Variants in MROH2B observed in about 807,000 individuals in gnomAD.
MROH2B encodes the protein maestro heat like repeat family member 2B, also known as maestro heat-like repeat-containing protein family member 2B.
In MROH2B, 177 loss-of-function variants were observed where a neutral mutation model predicts 208.6. That is an observed-to-expected ratio of 0.85 (90% CI 0.75 to 0.96). The LOEUF is 0.96. Ranked by LOEUF, MROH2B falls within the 40% of genes least tolerant of loss-of-function variation. MROH2B has a pLI of 0.00. For synonymous variants in MROH2B, 728 were observed against 659.0 expected (o/e 1.10, Z -1.60); for missense variants, 2,002 against 1,878.7 (o/e 1.07, Z -1.21).
At chr5:41,057,563 C>CCTTTTTTTTTTTTTTTT (rs1743498160) in intron 7 of MROH2B, among the ~76,000 whole-genome samples, 1 of 73,252 alleles carries the variant, frequency 1.4e-5, no homozygotes, top group African/African-American at 5.1e-5. Context: ...AATATCCCTC[C>CCTTTTTTTTTTTTTTTT]TTTTTTTTTT....
chr5:41,006,611 T>C (rs1183742593), intron 34 of MROH2B, among the ~76,000 whole-genome samples: 2 of 152,020 alleles, frequency 1.3e-5, no homozygotes, highest in Non-Finnish European at 2.9e-5. Context: ...AATGAGTGGA[T>C]AAAGAAAATG....
intron 5 of MROH2B, among the ~76,000 whole-genome samples, chr5:41,062,938 T>C (rs1489217136): frequency 6.6e-6 from 1 of 152,172 alleles, no homozygotes; most frequent in African/African-American, 2.4e-5. Context: ...TCATGGTATG[T>C]GAAGCAGCCA....
intron 2 of MROH2B, among the ~76,000 whole-genome samples, 178 bp from the exon 3 acceptor site, chr5:41,067,396 T>A (rs1743845141): frequency 6.6e-6 from 1 of 152,152 alleles, no homozygotes; most frequent in Admixed American, 6.5e-5. Context: ...GATGGAGTTT[T>A]GCTCTTTTTG....
At chr5:41,066,061 G>T (rs867239834) in intron 3 of MROH2B, among the ~76,000 whole-genome samples, 4 of 152,122 alleles carry the variant, frequency 2.6e-5, no homozygotes, top group Admixed American at 2.0e-4. Context: ...GGTTGATCTG[G>T]TACCATGAAC....
At position 41,018,350 on chromosome 5, in the gene MROH2B, A is replaced by G. The variant is rs10054110; in HGVS notation, c.2754T>C (p.Asn918=). 6.2e-7 allele frequency: 1 copy of G among 1,610,736 alleles called. No homozygotes were observed. The highest frequency in any genetic ancestry group is 1.7e-5 in the Admixed American group (1 of 59,550). The stretch of plus-strand genomic sequence containing the variant: ...CTAGGGGATTACTTACCTCAATATC[A>G]TTTGTCAGCACTTTCGCAGTGATCT... ...AFQITAKVLT[N]DIEAPENFKI... is the part of the protein sequence containing the mutation. Residue 918 remains asparagine, a synonymous_variant, in exon 27 of 42, where the codon AAT becomes AAC. Coordinates refer to ENST00000399564, the MANE Select transcript of MROH2B (RefSeq NM_173489.5).
chr5:41,012,643 C>G lies in MROH2B; in HGVS notation c.3075G>C (p.Lys1025Asn). Reference protein sequence around the residue: ...GLESLNPTCTKACGIWMITVL... With the variant: ...GLESLNPTCTNACGIWMITVL... ...CAGTGATCATCCATATGCCACAGGCCTTTGTACAAGTGGGGTTGAGGCTCT... is the reference window on the plus strand; with the variant it reads ...CAGTGATCATCCATATGCCACAGGCGTTTGTACAAGTGGGGTTGAGGCTCT... The change falls in exon 30 of 42, where the codon AAG (lysine) becomes AAC (asparagine). Residue 1025 changes from lysine to asparagine, a missense_variant. Physicochemically the swap from Lys to Asn is moderately conservative, Grantham distance 94. Coordinates refer to ENST00000399564, the MANE Select transcript of MROH2B (RefSeq NM_173489.5). The G allele has an allele frequency of 6.2e-7, 1 of 1,613,870 alleles. No homozygotes were observed. Among genetic ancestry groups the G allele is most frequent in the Non-Finnish European group, 8.5e-7 (1 of 1,179,802 alleles).
chr5:41,056,661 C>CAG (rs555367509), intron 9 of MROH2B, among the ~76,000 whole-genome samples: 97 of 146,776 alleles, frequency 6.6e-4, no homozygotes, highest in Non-Finnish European at 8.5e-4. Flanking sequence ...GAGTGAAGGA[C>CAG]AGAGAGAGAG....
chr5:41,060,289 C>G (rs1329065854), intron 6 of MROH2B, among the ~76,000 whole-genome samples: 1 of 152,046 alleles, frequency 6.6e-6, no homozygotes, highest in Non-Finnish European at 1.5e-5. Flanking sequence ...CACCCCATAC[C>G]CCTCTATTGT....
At chr5:41,067,010 T>C in intron 3 of MROH2B, 98 bp downstream of exon 3, 3 of 709,164 alleles carry the variant, frequency 4.2e-6, no homozygotes, top group Admixed American at 2.2e-5. Context: ...TACAAGTGAT[T>C]TGTGGTCCTG....
intron 1 of MROH2B, among the ~76,000 whole-genome samples, 155 bp downstream of exon 1, chr5:41,070,670 T>A (rs1415957005): frequency 6.6e-6 from 1 of 152,176 alleles, no homozygotes; most frequent in Non-Finnish European, 1.5e-5. Flanking sequence ...TCAGCATGAT[T>A]TTATTATGTA....
At chr5:41,069,866 T>TCC in intron 1 of MROH2B, 114 bp from the exon 2 acceptor site, 1 of 726,100 alleles carries the variant, frequency 1.4e-6, no homozygotes, top group South Asian at 1.8e-5. Context: ...TCTCTCTCTC[T>TCC]CCCTTGACTG....
rs1168713663 is a variant in MROH2B at position 41,012,583 on chromosome 5, C to G, written c.3135G>C (p.Gln1045His). 1.2e-6 allele frequency: 2 copies of G among 1,606,168 alleles called. No homozygotes were observed. The highest frequency in any genetic ancestry group is 2.2e-5 in the East Asian group (1 of 44,824). The change falls in exon 30 of 42, where the codon CAG becomes CAC. Residue 1045 changes from glutamine to histidine, a missense_variant and splice_region_variant. By Grantham distance (24) the Gln-to-His change is conservative (BLOSUM62 0). Transcript: ENST00000399564. ...TTGTTAAAACTGGCTATCAGTTCAC[C>G]TGATCTTCCAGAGCAGCTCCCTGCT... ...LKQQGAALED[Q>H]LLEILGTIYH...
At chr5:41,065,302 G>T (rs771602037) in intron 4 of MROH2B, 29 bp downstream of exon 4, 2 of 1,582,902 alleles carry the variant, frequency 1.3e-6, no homozygotes, top group East Asian at 2.3e-5. Flanking sequence ...TCATTTCCCA[G>T]GGAAAATTGG....
At chr5:41,051,453 C>T (rs1270074347) in intron 12 of MROH2B, 1 of 160,784 alleles carries the variant, frequency 6.2e-6, no homozygotes, top group Admixed American at 6.4e-5. Flanking sequence ...GCTAAAATCA[C>T]AGAGATCATA....
At chr5:41,003,188 T>C (rs1423621960) in intron 37 of MROH2B, among the ~76,000 whole-genome samples, 1 of 152,150 alleles carries the variant, frequency 6.6e-6, no homozygotes, top group East Asian at 1.9e-4. Flanking sequence ...CTCAAACTTC[T>C]GACCTCAGGT....
Position 41,051,008 on chromosome 5 carries a change from G to A in MROH2B, c.1313C>T (p.Thr438Ile). ...VRETSLEVLK[T>I]LDPLVIGMPQ... ...CATTCCAATGACCAGTGGGTCCAGG[G>A]TTTTTAAGACCTCAAGGCTTGTTTC... The change falls in exon 13 of 42, where the codon ACC becomes ATC. Residue 438 changes from threonine to isoleucine, a missense_variant. Coordinates refer to ENST00000399564, the MANE Select transcript of MROH2B (RefSeq NM_173489.5). The A allele has an allele frequency of 6.4e-7, 1 of 1,569,502 alleles. No homozygotes were observed. Among genetic ancestry groups the A allele is most frequent in the Non-Finnish European group, 8.6e-7 (1 of 1,162,888 alleles).
chr5:41,053,293 C>T (rs925142567), intron 11 of MROH2B, among the ~76,000 whole-genome samples: 5 of 152,102 alleles, frequency 3.3e-5, no homozygotes, highest in Non-Finnish European at 7.4e-5. Flanking sequence ...TTATTCTATG[C>T]TGTGTGGATA....
rs180999758 is a variant in MROH2B at position 41,016,704 on chromosome 5, C to T, written c.2884+1146G>A. ...CCATGTTGGCCAGGCTGGTCTTGAA[C>T]TCCTGACCTCAAGTGACCCATATGC... On this transcript the variant is annotated intron_variant, in intron 28 of 41. Coordinates refer to ENST00000399564, the MANE Select transcript of MROH2B (RefSeq NM_173489.5). 1.6e-4 allele frequency among the ~76,000 whole-genome samples: 24 copies of T among 151,998 alleles called. No homozygotes were observed. The East Asian group carries it at 4.5e-3, about 28-fold the overall frequency.
chr5:41,046,995 G>A lies in MROH2B; in HGVS notation c.1728+726C>T, dbSNP rs1312008428. Among the ~76,000 whole-genome samples, 3 of 152,280 alleles carry A rather than the reference G, an allele frequency of 2.0e-5. No individual in the cohort carries two copies. The South Asian group carries it at 6.2e-4, about 32-fold the overall frequency. On this transcript the variant is annotated intron_variant, in intron 17 of 41. Transcript: ENST00000399564. ...CTGGAAGGGAGATAGGAGGCAGAGG[G>A]AGTACTGTGGAGAGATCATTGAAAA...
Sources: gnomAD v4.1 joint callset for allele counts (sites outside exome capture counted in the v4.1 genomes callset) on GRCh38, gnomAD v4.1.1 for gene constraint, MANE v1.5 for transcripts, NCBI Gene and HGNC (gene_info 2026-07-23, HGNC 2026-07-21) for gene names.